The following SUGCT variants were observed in gnomAD, a reference collection of about 807,000 sequenced individuals.
The protein encoded by SUGCT is succinyl-CoA:glutarate CoA-transferase.
SUGCT carries 41 observed loss-of-function variants against 55.0 expected under a neutral mutation model. The ratio of observed to expected loss-of-function variants is 0.74; its 90% CI spans 0.58 to 0.97. The LOEUF is 0.97. Ranked by LOEUF, SUGCT falls within the 50% of genes least tolerant of loss-of-function variation. The pLI is 0.00. For missense variants in SUGCT, 568 were observed against 547.8 expected, an observed-to-expected ratio of 1.04 and a Z score of -0.37; for synonymous variants, 187 against 200.4, an observed-to-expected ratio of 0.93 and a Z score of 0.56.
intron 12 of SUGCT, among the ~76,000 whole-genome samples, chr7:40,552,542 G>A (rs538138823): frequency 2.6e-4 from 39 of 152,238 alleles, no homozygotes; most frequent in African/African-American, 7.5e-4. Flanking sequence ...ATTACCATGC[G>A]TTGGGGGTTT....
intron 6 of SUGCT, among the ~76,000 whole-genome samples, chr7:40,210,140 T>C (rs1027864050): frequency 3.9e-5 from 6 of 152,156 alleles, no homozygotes; most frequent in Middle Eastern, 3.4e-3. Flanking sequence ...TGCAGTGGCA[T>C]GCTCTCAGCT....
intron 6 of SUGCT, among the ~76,000 whole-genome samples, chr7:40,233,348 T>C (rs1788830625): frequency 1.3e-5 from 2 of 152,062 alleles, no homozygotes; most frequent in South Asian, 2.1e-4. Flanking sequence ...GCCTCCCAAG[T>C]AGCTGGGATT....
intron 9 of SUGCT, among the ~76,000 whole-genome samples, chr7:40,376,385 T>C (rs1484945795): frequency 6.6e-6 from 1 of 151,966 alleles, no homozygotes; most frequent in Admixed American, 6.6e-5. Flanking sequence ...ATCTAATGTA[T>C]CTTTTTTTTT....
rs1789765790 is a variant in SUGCT, at chr7:40,245,421, ATATTTTT to A, written c.576+7697_576+7703del. ...GTAGTAGACATATATATATATATAT[ATATTTTT>A]TTTTTTTTTTTTTTTTTTTTTTTTT... On this transcript the variant is annotated intron_variant, in intron 7 of 13. Coordinates refer to ENST00000335693, the MANE Select transcript of SUGCT (RefSeq NM_001193313.2). Among the ~76,000 whole-genome samples the A allele has an allele frequency of 1.8e-4, 7 of 39,902 alleles. 1 individual carries two copies. The highest frequency in any genetic ancestry group is 2.5e-4 in the African/African-American group (2 of 8,076). The allele number at this position is 39,902 out of a possible 152,430, so 26.2% of individuals were successfully genotyped here.
At chr7:40,889,197 T>C in the SUGCT span, among the ~76,000 whole-genome samples, 1 of 151,910 alleles carries the variant, frequency 6.6e-6, no homozygotes, top group Non-Finnish European at 1.5e-5. Flanking sequence ...TGGACCCTGG[T>C]GGGTAGGCCA....
chr7:40,561,961 AT>A (rs1338637700), intron 12 of SUGCT, among the ~76,000 whole-genome samples: 1 of 149,468 alleles, frequency 6.7e-6, no homozygotes, highest in Non-Finnish European at 1.5e-5. Context: ...AAGTGCTGGA[AT>A]TACAGGCATG....
intron 11 of SUGCT, among the ~76,000 whole-genome samples, chr7:40,463,959 A>G (rs546881600): frequency 6.6e-6 from 1 of 152,336 alleles, no homozygotes; most frequent in South Asian, 2.1e-4. Context: ...GCTAAGGAGC[A>G]ACAAACTCTT....
intron 12 of SUGCT, among the ~76,000 whole-genome samples, chr7:40,528,732 G>T (rs1793932411): frequency 6.6e-6 from 1 of 152,152 alleles, no homozygotes; most frequent in South Asian, 2.1e-4. Context: ...AAAATAATGT[G>T]TCTAGATTCC....
intron 8 of SUGCT, among the ~76,000 whole-genome samples, chr7:40,297,749 C>T (rs918179137): frequency 1.3e-5 from 2 of 152,026 alleles, no homozygotes; most frequent in African/African-American, 2.4e-5. Flanking sequence ...GGGTTCTATC[C>T]ACAAACTGCT....
chr7:40,762,807 A>ACT (rs1197254415), intron 13 of SUGCT, among the ~76,000 whole-genome samples: 2 of 149,264 alleles, frequency 1.3e-5, no homozygotes, highest in Admixed American at 6.8e-5. Flanking sequence ...GCATAAAACA[A>ACT]CTCTCTTTTT....
the SUGCT span, among the ~76,000 whole-genome samples, chr7:40,943,362 G>A: frequency 1.8e-4 from 27 of 150,002 alleles, no homozygotes; most frequent in East Asian, 2.8e-3. Flanking sequence ...CATGTGCCAT[G>A]CTGGTGTGCC....
the SUGCT span, among the ~76,000 whole-genome samples, chr7:40,890,527 T>C: frequency 6.6e-6 from 1 of 151,752 alleles, no homozygotes. Context: ...CAGTGGACCC[T>C]AGTACCAGGC....
Position 40,185,325 on chromosome 7 carries a change from G to A in SUGCT, c.227-3170G>A, listed in dbSNP as rs373492606. 1.8e-3 allele frequency among the ~76,000 whole-genome samples: 279 copies of A among 152,008 alleles called. 12 individuals are homozygous for A. The South Asian group carries it at 0.054, about 30-fold the overall frequency. On this transcript the variant is annotated intron_variant, in intron 3 of 13. Transcript: ENST00000335693. The stretch of plus-strand genomic sequence containing the variant: ...ATTAATAATTTCTCTTGCTATTTCT[G>A]TTGGCCACCAGGGTAACATTTGTAT...
chr7:40,595,203 A>G (rs1797937599), intron 12 of SUGCT, among the ~76,000 whole-genome samples: 1 of 152,162 alleles, frequency 6.6e-6, no homozygotes, highest in Non-Finnish European at 1.5e-5. Context: ...AGTTGATGAA[A>G]ATGCCCCCCA....
intron 10 of SUGCT, among the ~76,000 whole-genome samples, chr7:40,453,338 G>T (rs1281128413): frequency 6.6e-6 from 1 of 152,184 alleles, no homozygotes; most frequent in African/African-American, 2.4e-5. Context: ...CCATGCTGGG[G>T]AGTGGGATAA....
intron 12 of SUGCT, among the ~76,000 whole-genome samples, chr7:40,527,010 A>G (rs377511378): frequency 1.3e-5 from 2 of 151,950 alleles, no homozygotes; most frequent in African/African-American, 4.8e-5. Flanking sequence ...CTTTTTTTTC[A>G]GTTCTCATTT....
rs1163699000 is a variant in SUGCT, at chr7:40,649,403, G to GA, written c.1090-100031_1090-100030insA. On this transcript the variant is annotated intron_variant, in intron 12 of 13. Coordinates refer to ENST00000335693, the MANE Select transcript of SUGCT (RefSeq NM_001193313.2). ...ATGTCACACCTCTGCTTTACAGATG[G>GA]GGGGGGAAGGATTGAGAGATTATGT... is the stretch of plus-strand genomic sequence containing the variant. 4.6e-5 allele frequency among the ~76,000 whole-genome samples: 7 copies of GA among 152,044 alleles called. No homozygotes were observed. In the East Asian group the frequency reaches 1.4e-3, roughly 29 times the overall value.
At chr7:40,442,116 G>C (rs976686947) in intron 9 of SUGCT, among the ~76,000 whole-genome samples, 5 of 152,132 alleles carry the variant, frequency 3.3e-5, no homozygotes, top group African/African-American at 1.2e-4. Context: ...TTCTGAAATA[G>C]TAAATCCTTA....
chr7:41,001,315 C>A, the SUGCT span, among the ~76,000 whole-genome samples: 1 of 151,854 alleles, frequency 6.6e-6, no homozygotes, highest in Non-Finnish European at 1.5e-5. Flanking sequence ...TGTATAACAT[C>A]CTGCTGAGAT....
Sources: gnomAD v4.1 joint callset for allele counts (sites outside exome capture counted in the v4.1 genomes callset) on GRCh38, gnomAD v4.1.1 for gene constraint, MANE v1.5 for transcripts, NCBI Gene and HGNC (gene_info 2026-07-23, HGNC 2026-07-21) for gene names.